The following CCSER1 variants were observed in gnomAD, a reference collection of about 807,000 sequenced individuals.
The protein encoded by CCSER1 is coiled-coil serine rich protein 1.
Under a neutral mutation model 82.0 loss-of-function variants are expected in CCSER1, and 41 were observed. That is an observed-to-expected ratio of 0.50 (90% CI 0.39 to 0.65). The LOEUF (loss-of-function observed/expected upper bound fraction) is 0.65. Among genes scored for constraint, CCSER1 ranks in the 30% least tolerant of loss-of-function variants. The pLI is 0.00. For missense variants in CCSER1, 1,119 were observed against 1,064.2 expected (o/e 1.05, Z -0.72); for synonymous variants, 414 against 383.9 (o/e 1.08, Z -0.92).
chr4:91,364,086 A>G (rs569445606), intron 10 of CCSER1, among the ~76,000 whole-genome samples: 41 of 152,254 alleles, frequency 2.7e-4, no homozygotes, highest in African/African-American at 9.4e-4. Flanking sequence ...ACAAGAACTG[A>G]ATAATTCTGC....
intron 6 of CCSER1, among the ~76,000 whole-genome samples, chr4:90,630,949 A>G (rs1724292976): frequency 6.6e-6 from 1 of 151,096 alleles, no homozygotes; most frequent in Admixed American, 6.6e-5. Context: ...GCTGGAGTGC[A>G]GTGGCGCGAT....
intron 9 of CCSER1, among the ~76,000 whole-genome samples, chr4:90,957,783 A>T (rs576970210): frequency 6.7e-6 from 1 of 149,914 alleles, no homozygotes; most frequent in Admixed American, 6.8e-5. Context: ...ATTTCCCCTG[A>T]TGGAGAACGC....
intron 10 of CCSER1, among the ~76,000 whole-genome samples, chr4:91,109,339 A>G (rs1020528468): frequency 6.6e-6 from 1 of 151,980 alleles, no homozygotes; most frequent in Non-Finnish European, 1.5e-5. Flanking sequence ...CTACCTACCT[A>G]CCTTTCTACC....
At chr4:91,014,485 A>T (rs1215729180) in intron 9 of CCSER1, among the ~76,000 whole-genome samples, 2 of 134,204 alleles carry the variant, frequency 1.5e-5, no homozygotes, top group Non-Finnish European at 3.5e-5. Flanking sequence ...ACATTCTTTA[A>T]ATATTATATT....
chr4:91,268,060 CAT>C (rs1247896100), intron 10 of CCSER1, among the ~76,000 whole-genome samples: 12 of 152,222 alleles, frequency 7.9e-5, no homozygotes, highest in African/African-American at 2.2e-4. Flanking sequence ...TCTCAGAAAA[CAT>C]ATGTGTTTTC....
intron 9 of CCSER1, chr4:91,017,140 T>C (rs983869122): frequency 1.3e-5 from 2 of 152,218 alleles, no homozygotes; most frequent in Admixed American, 1.3e-4. Flanking sequence ...TTCTATGTCA[T>C]GGTCTTTATT....
At chr4:91,403,766 GC>G (rs1752497443) in intron 10 of CCSER1, among the ~76,000 whole-genome samples, 1 of 152,126 alleles carries the variant, frequency 6.6e-6, no homozygotes, top group South Asian at 2.1e-4. Context: ...TCATGGATAA[GC>G]TTTTTGATGG....
chr4:90,392,618 G>A, intron 3 of CCSER1, among the ~76,000 whole-genome samples: 1 of 151,960 alleles, frequency 6.6e-6, no homozygotes, highest in Admixed American at 6.6e-5. Context: ...ATTATAATAA[G>A]GAATAACATA....
chr4:91,372,749 T>C lies in CCSER1; in HGVS notation c.2218-225823T>C, dbSNP rs143373763. ...TAATAATACAAGATGAAGACGGTAGTTTATTATGTCTTCTGTGTAGCGGGT... is the reference window on the plus strand; with the variant it reads ...TAATAATACAAGATGAAGACGGTAGCTTATTATGTCTTCTGTGTAGCGGGT... On this transcript the variant is annotated intron_variant, in intron 10 of 10. Transcript: ENST00000509176. Among the ~76,000 whole-genome samples the C allele has an allele frequency of 5.5e-3, 833 of 152,302 alleles. 6 individuals are homozygous for C. Among genetic ancestry groups the C allele is most frequent in the African/African-American group, 0.019 (803 of 41,556 alleles).
At chr4:91,408,690 G>T (rs1047070739) in intron 10 of CCSER1, among the ~76,000 whole-genome samples, 1 of 152,080 alleles carries the variant, frequency 6.6e-6, no homozygotes, top group African/African-American at 2.4e-5. Flanking sequence ...CTGTCTCCAG[G>T]TGCTTTATAA....
At chr4:90,669,607 G>A (rs952349691) in intron 6 of CCSER1, among the ~76,000 whole-genome samples, 5 of 152,042 alleles carry the variant, frequency 3.3e-5, no homozygotes, top group African/African-American at 1.2e-4. Flanking sequence ...ATCGTTTAGG[G>A]GAGGGAATAA....
intron 3 of CCSER1, among the ~76,000 whole-genome samples, chr4:90,345,260 G>C (rs555348936): frequency 6.6e-6 from 1 of 152,206 alleles, no homozygotes; most frequent in South Asian, 2.1e-4. Flanking sequence ...TACTGACAAA[G>C]TATTTAAATG....
intron 6 of CCSER1, among the ~76,000 whole-genome samples, chr4:90,717,532 C>G (rs1472894483): frequency 3.9e-5 from 6 of 151,990 alleles, no homozygotes; most frequent in Non-Finnish European, 5.9e-5. Flanking sequence ...AACACTGAGG[C>G]ATGGAATATG....
chr4:90,899,169 T>C (rs574344448), intron 8 of CCSER1, among the ~76,000 whole-genome samples: 6 of 152,128 alleles, frequency 3.9e-5, no homozygotes, highest in Admixed American at 1.3e-4. Flanking sequence ...CCTTCTTGGT[T>C]AAATGAAATA....
At chr4:90,592,688 T>C (rs1782857067) in intron 5 of CCSER1, among the ~76,000 whole-genome samples, 1 of 152,152 alleles carries the variant, frequency 6.6e-6, no homozygotes, top group African/African-American at 2.4e-5. Context: ...TATTTTGTGT[T>C]GTATTAGCTT....
At chr4:91,402,987 G>T (rs949537622) in intron 10 of CCSER1, among the ~76,000 whole-genome samples, 27 of 152,312 alleles carry the variant, frequency 1.8e-4, no homozygotes, top group African/African-American at 6.5e-4. Flanking sequence ...ACCTTGGGCA[G>T]TATGGCCATT....
At chr4:91,589,261 A>G (rs1395654463) in intron 10 of CCSER1, among the ~76,000 whole-genome samples, 5 of 151,914 alleles carry the variant, frequency 3.3e-5, no homozygotes, top group Non-Finnish European at 7.4e-5. Context: ...CTTGTAAGAT[A>G]GAATCATTTA....
chr4:90,851,580 T>G (rs1763899944), intron 8 of CCSER1, among the ~76,000 whole-genome samples: 1 of 151,780 alleles, frequency 6.6e-6, no homozygotes, highest in Non-Finnish European at 1.5e-5. Flanking sequence ...GAGCTTTTTT[T>G]TTTTTTTTTT....
At chr4:91,305,402 A>AT (rs901193920) in intron 10 of CCSER1, among the ~76,000 whole-genome samples, 3 of 151,954 alleles carry the variant, frequency 2.0e-5, no homozygotes, top group Non-Finnish European at 1.5e-5. Context: ...AGGTGCAGAA[A>AT]TTTTTTTTAT....
Sources: gnomAD v4.1 joint callset for allele counts (sites outside exome capture counted in the v4.1 genomes callset) on GRCh38, gnomAD v4.1.1 for gene constraint, MANE v1.5 for transcripts, NCBI Gene and HGNC (gene_info 2026-07-23, HGNC 2026-07-21) for gene names.